The following GPATCH2L variants were observed in gnomAD, a reference collection of about 807,000 sequenced individuals.
GPATCH2L encodes the protein G patch domain-containing protein 2-like.
Under a neutral mutation model 57.4 loss-of-function variants are expected in GPATCH2L, and 31 were observed. The observed-to-expected ratio is 0.54, with a 90% CI of 0.41 to 0.73. GPATCH2L has a LOEUF of 0.73. GPATCH2L is among the 30% of genes least tolerant of loss of function. GPATCH2L has a pLI of 0.00. For missense variants in GPATCH2L, 481 were observed against 599.9 expected, an observed-to-expected ratio of 0.80 and a Z score of 2.07; for synonymous variants, 199 against 210.7, an observed-to-expected ratio of 0.94 and a Z score of 0.48.
At position 76,210,272 on chromosome 14, in the gene GPATCH2L, TACAG is replaced by T. The variant is rs2040425687; in HGVS notation, c.*8425_*8428del. On this transcript the variant is annotated 3_prime_UTR_variant, in exon 10 of 10. Coordinates refer to ENST00000261530, the MANE Select transcript of GPATCH2L (RefSeq NM_017926.4). Reference sequence around the variant, plus strand: ...TAAAACAATGAAATACACTTACAGTTACAGACAAACTTGCTCGAGTCACATATCT... The same window carrying T: ...TAAAACAATGAAATACACTTACAGTTACAAACTTGCTCGAGTCACATATCT... 1 of 152,244 alleles carries T rather than the reference TACAG, an allele frequency of 6.6e-6. No homozygotes were observed. Among genetic ancestry groups the T allele is most frequent in the Admixed American group, 6.5e-5 (1 of 15,282 alleles). The allele number at this position is 152,244 out of a possible 1,614,324, so 9.4% of individuals were successfully genotyped here.
rs570286952 is a variant in GPATCH2L at position 76,187,444 on chromosome 14, A to G, written c.1193+6595A>G. On this transcript the variant is annotated intron_variant, in intron 8 of 9. Coordinates refer to ENST00000261530, the MANE Select transcript of GPATCH2L (RefSeq NM_017926.4). ...AAATAATTGAGGTGAATAGATTAGT[A>G]ATTAAGCAGAATAATTGGAATATAT... Among the ~76,000 whole-genome samples the G allele has an allele frequency of 9.2e-5, 14 of 152,252 alleles. No homozygotes were observed. The East Asian group carries it at 2.5e-3, about 27-fold the overall frequency.
chr14:76,232,458 C>A (rs75925533), intron 2 of GPATCH2L, among the ~76,000 whole-genome samples: 59,465 of 152,012 alleles, frequency 0.39, 13,185 homozygotes, highest in African/African-American at 0.61. Context: ...CGCCACTGCC[C>A]CCGGCCCGTT....
At chr14:76,226,949 G>C (rs2040538759) in intron 1 of GPATCH2L, among the ~76,000 whole-genome samples, 1 of 152,140 alleles carries the variant, frequency 6.6e-6, no homozygotes, top group Admixed American at 6.5e-5. Context: ...GCAAATGAAA[G>C]CCCAAAAAAG....
At chr14:76,232,007 G>GCTCACTGCAGCCTCACTGCAGC (rs1330072327) in intron 2 of GPATCH2L, among the ~76,000 whole-genome samples, 24 of 78,340 alleles carry the variant, frequency 3.1e-4, no homozygotes, top group African/African-American at 9.7e-4. Flanking sequence ...CTCACTGCAG[G>GCTCACTGCAGCCTCACTGCAGC]CTCAAGCAAT....
At chr14:76,225,142 T>C (rs995474662) in intron 1 of GPATCH2L, among the ~76,000 whole-genome samples, 24 of 152,110 alleles carry the variant, frequency 1.6e-4, no homozygotes, top group African/African-American at 5.3e-4. Flanking sequence ...CATGGAAACA[T>C]TAGAGACCAA....
Position 76,182,363 on chromosome 14 carries a change from GAAAA to G in GPATCH2L, c.1193+1532_1193+1535del, listed in dbSNP as rs3059799. Among the ~76,000 whole-genome samples the G allele has an allele frequency of 3.5e-4, 30 of 85,638 alleles. No individual in the cohort carries two copies. The Admixed American group carries it at 4.7e-3, about 13-fold the overall frequency. The allele number at this position is 85,638 out of a possible 152,430, so 56.2% of individuals were successfully genotyped here. A position where few individuals can be genotyped will look rare whatever the true frequency, so the allele number is the denominator to read the frequency against. On this transcript the variant is annotated intron_variant, in intron 8 of 9. Transcript: ENST00000261530. ...CAGAGCGAGACCCCGTCTCAGAAAAGAAAAAAAAAAAAAAAAAAAAAGAATGTTG... is the reference window on the plus strand; with the variant it reads ...CAGAGCGAGACCCCGTCTCAGAAAAGAAAAAAAAAAAAAAAAAGAATGTTG...
intron 3 of GPATCH2L, among the ~76,000 whole-genome samples, chr14:76,170,059 G>A (rs1343106127): frequency 1.3e-5 from 2 of 152,228 alleles, no homozygotes; most frequent in Admixed American, 6.5e-5. Flanking sequence ...GAGAACTACT[G>A]TAAGAGAGAC....
chr14:76,179,042 CTGTT>C (rs1331368486), intron 7 of GPATCH2L: 1 of 145,052 alleles, frequency 6.9e-6, no homozygotes, highest in Non-Finnish European at 1.5e-5. Flanking sequence ...TGTAGGCTTC[CTGTT>C]TGTTGTGGGT....
intron 1 of GPATCH2L, among the ~76,000 whole-genome samples, chr14:76,229,308 T>C (rs1469107612): frequency 6.6e-6 from 1 of 152,194 alleles, no homozygotes; most frequent in African/African-American, 2.4e-5. Context: ...TGTTTCATGA[T>C]AGAATAAGAA....
At chr14:76,226,846 AAG>A (rs1467781869) in intron 1 of GPATCH2L, among the ~76,000 whole-genome samples, 1 of 152,180 alleles carries the variant, frequency 6.6e-6, no homozygotes, top group Non-Finnish European at 1.5e-5. Context: ...AAAATAAACT[AAG>A]AGAGTTCTGT....
At chr14:76,171,278 A>G (rs546191584) in intron 3 of GPATCH2L, among the ~76,000 whole-genome samples, 2 of 100,976 alleles carry the variant, frequency 2.0e-5, no homozygotes, top group African/African-American at 4.1e-5. Context: ...ACAGAGAATT[A>G]AAAAAAAAAA....
At position 76,214,013 on chromosome 14, in the gene GPATCH2L, A is replaced by G. The variant is rs911614605; in HGVS notation, c.*12162A>G. On this transcript the variant is annotated 3_prime_UTR_variant, in exon 10 of 10. Transcript: ENST00000261530. ...TAGAGACTTTATAGTATGTTTTAAC[A>G]ACTGGCAAGGCTAGTCCCCCTTATA... The G allele has an allele frequency of 2.6e-5, 4 of 152,212 alleles. No homozygotes were observed. The highest frequency in any genetic ancestry group is 5.9e-5 in the Non-Finnish European group (4 of 68,030). 9.4% of individuals were successfully genotyped at this position (152,212 alleles called of 1,614,324 possible). A position where few individuals can be genotyped will look rare whatever the true frequency, so the allele number is the denominator to read the frequency against.
chr14:76,222,771 A>G (rs2040520752), intron 1 of GPATCH2L, among the ~76,000 whole-genome samples: 1 of 152,072 alleles, frequency 6.6e-6, no homozygotes, highest in African/African-American at 2.4e-5. Flanking sequence ...AGCCTGGCCA[A>G]CATGGTGAGA....
At chr14:76,178,934 A>G (rs2039451852) in intron 7 of GPATCH2L, 2 of 152,106 alleles carry the variant, frequency 1.3e-5, no homozygotes, top group South Asian at 2.1e-4. Context: ...GTGGTTATCG[A>G]TATGTTTCTT....
Position 76,153,227 on chromosome 14 carries a change from G to T in GPATCH2L, c.-10-1127G>T, listed in dbSNP as rs2038138428. Among the ~76,000 whole-genome samples, 4 of 152,254 alleles carry T rather than the reference G, an allele frequency of 2.6e-5. No individual in the cohort carries two copies. In the South Asian group the frequency reaches 8.3e-4, roughly 31 times the overall value. Reference sequence around the variant, plus strand: ...AACTGAATGAATGGGAATATGGTCAGAGAGTGGCACCACTTAGAATTTTAA... The same window carrying T: ...AACTGAATGAATGGGAATATGGTCATAGAGTGGCACCACTTAGAATTTTAA... On this transcript the variant is annotated intron_variant, in intron 1 of 9. Coordinates refer to ENST00000261530, the MANE Select transcript of GPATCH2L (RefSeq NM_017926.4).
In GPATCH2L at chr14:76,154,463, C is replaced by T. The variant is rs751654579; in HGVS notation, c.100C>T (p.Gln34Ter). The change falls in exon 2 of 10, where the codon CAG becomes TAG. Residue 34 changes from glutamine to a stop codon, truncating the protein, a stop_gained. Transcript: ENST00000261530. LOFTEE classifies it high-confidence loss of function. This position sits in a 1 kb window ranked among gnomAD's most constrained non-coding sequence, Gnocchi z 4.4. ...GGAGGAGATGGCGCTGAGCCCCCGA[C>T]AGCAGAGGCGGCAGCTTCGGAAACG... The part of the protein sequence containing the change: ...LWEEMALSPR[Q>*]QRRQLRKRRG... 1 of 1,614,220 alleles carries T rather than the reference C, an allele frequency of 6.2e-7. No individual in the cohort carries two copies.
intron 1 of GPATCH2L, among the ~76,000 whole-genome samples, chr14:76,228,906 A>G (rs10152094): frequency 0.96 from 146,618 of 152,226 alleles, 70,874 homozygotes; most frequent in East Asian, 1. Flanking sequence ...GTCCCTGCCC[A>G]CCATCGACAG....
intron 5 of GPATCH2L, chr14:76,174,050 A>C: frequency 5.6e-6 from 1 of 180,100 alleles, no homozygotes; most frequent in Admixed American, 6.2e-5. Flanking sequence ...AAAAAAAACA[A>C]AACTGTTACT....
At chr14:76,229,991 T>C (rs769006980) in intron 2 of GPATCH2L, 1 of 152,236 alleles carries the variant, frequency 6.6e-6, no homozygotes, top group Non-Finnish European at 1.5e-5. Flanking sequence ...AGAGTTATAG[T>C]CTATTGCCTA....
Sources: gnomAD v4.1 joint callset for allele counts (sites outside exome capture counted in the v4.1 genomes callset) on GRCh38, gnomAD v4.1.1 for gene constraint, Gnocchi (gnomAD v3.1) non-coding constraint, MANE v1.5 for transcripts, NCBI Gene and HGNC (gene_info 2026-07-23, HGNC 2026-07-21) for gene names.